RTN4IP1: variants seen among roughly 807,000 people sequenced by gnomAD.
RTN4IP1 encodes the protein NAD(P)H oxidoreductase RTN4IP1, mitochondrial.
A neutral mutation model predicts 46.6 loss-of-function variants in RTN4IP1; 32 were observed. That is an observed-to-expected ratio of 0.69 (90% CI 0.52 to 0.92). RTN4IP1 has a LOEUF of 0.92. Ranked by LOEUF, RTN4IP1 falls within the 40% of genes least tolerant of loss-of-function variation. The probability of loss-of-function intolerance (pLI) is 0.00; values close to 1 mark genes in which losing one functional copy is unlikely to be tolerated. For missense variants in RTN4IP1, 424 were observed against 485.8 expected, an observed-to-expected ratio of 0.87 and a Z score of 1.20; for synonymous variants, 167 against 161.8, an observed-to-expected ratio of 1.03 and a Z score of -0.24.
In RTN4IP1 at chr6:106,583,483, T is replaced by C. The variant is rs965056264; in HGVS notation, c.991-63A>G. On this transcript the variant is annotated intron_variant, in intron 7 of 8. Transcript: ENST00000369063. Reference sequence around the variant, plus strand: ...AACATAAAATCTGACTAAATGCAGATTTAGGGAAAAGCATTTTCTGGATGA... The same window carrying C: ...AACATAAAATCTGACTAAATGCAGACTTAGGGAAAAGCATTTTCTGGATGA... 7.3e-6 allele frequency: 10 copies of C among 1,376,422 alleles called. No individual in the cohort carries two copies. The African/African-American group carries it at 8.6e-5, about 12-fold the overall frequency. The allele number at this position is 1,376,422 out of a possible 1,614,324, so 85.3% of individuals were successfully genotyped here.
At chr6:106,608,121 T>C (rs755342150) in intron 4 of RTN4IP1, among the ~76,000 whole-genome samples, 2 of 152,348 alleles carry the variant, frequency 1.3e-5, no homozygotes, top group South Asian at 2.1e-4. Flanking sequence ...AAATGTGGTA[T>C]GTATACACAA....
At chr6:106,586,856 G>C (rs1775499281) in intron 7 of RTN4IP1, among the ~76,000 whole-genome samples, 1 of 152,142 alleles carries the variant, frequency 6.6e-6, no homozygotes, top group African/African-American at 2.4e-5. Context: ...TCTTGTAACT[G>C]AGGCTCATCT....
chr6:106,572,974 C>T (rs1775116366), intron 8 of RTN4IP1, among the ~76,000 whole-genome samples: 1 of 152,174 alleles, frequency 6.6e-6, no homozygotes, highest in Admixed American at 6.5e-5. Flanking sequence ...GAAAAACGCA[C>T]CTCATGTGAG....
At chr6:106,630,357 T>G (rs1776796675), upstream of RTN4IP1, among the ~76,000 whole-genome samples, 1 of 151,928 alleles carries the variant, frequency 6.6e-6, no homozygotes, top group South Asian at 2.1e-4. Flanking sequence ...AAAGCTCTGG[T>G]ATTTCTGAAT....
At chr6:106,606,305 G>A (rs1326909194) in intron 4 of RTN4IP1, among the ~76,000 whole-genome samples, 1 of 152,002 alleles carries the variant, frequency 6.6e-6, no homozygotes, top group East Asian at 1.9e-4. Context: ...TGTAGTCCTA[G>A]CTATTTGGGA....
At chr6:106,629,666 G>A (rs750036064), upstream of RTN4IP1, 1 of 1,603,142 alleles carries the variant, frequency 6.2e-7, no homozygotes. Flanking sequence ...GTGGTGGCAG[G>A]CTGGGCACGA....
chr6:106,614,570 G>A (rs1776303098), intron 4 of RTN4IP1, among the ~76,000 whole-genome samples: 1 of 152,122 alleles, frequency 6.6e-6, no homozygotes, highest in Admixed American at 6.5e-5. Context: ...TTAAAGGGCT[G>A]GAGGAAGAAG....
intron 8 of RTN4IP1, among the ~76,000 whole-genome samples, chr6:106,581,144 G>C (rs558185466): frequency 3.3e-5 from 5 of 152,290 alleles, no homozygotes; most frequent in South Asian, 4.1e-4. Context: ...CAGAATCTCA[G>C]TGACTGAGAT....
At chr6:106,588,705 C>A (rs912076641) in intron 6 of RTN4IP1, among the ~76,000 whole-genome samples, 2 of 152,170 alleles carry the variant, frequency 1.3e-5, no homozygotes, top group Non-Finnish European at 2.9e-5. Context: ...TTGATGAATT[C>A]CTTTTTGGTA....
intron 8 of RTN4IP1, among the ~76,000 whole-genome samples, chr6:106,577,454 A>AAG (rs1370975035): frequency 6.7e-6 from 1 of 149,416 alleles, no homozygotes; most frequent in African/African-American, 2.5e-5. Flanking sequence ...TCTCAAAAAA[A>AAG]AAAAAAAAAA....
intron 6 of RTN4IP1, among the ~76,000 whole-genome samples, chr6:106,589,263 A>G (rs1205900749): frequency 2.3e-4 from 3 of 12,902 alleles, no homozygotes; most frequent in Non-Finnish European, 4.9e-4. Flanking sequence ...GGAGGAGGAG[A>G]AGGAGAAGAA....
intron 5 of RTN4IP1, among the ~76,000 whole-genome samples, chr6:106,593,972 A>G (rs1404878682): frequency 6.6e-6 from 1 of 152,220 alleles, no homozygotes; most frequent in Non-Finnish European, 1.5e-5. Context: ...AGGAAAAAGA[A>G]AAGTATGTTC....
At chr6:106,619,601 T>C (rs1776433150) in intron 3 of RTN4IP1, among the ~76,000 whole-genome samples, 1 of 148,498 alleles carries the variant, frequency 6.7e-6, no homozygotes, top group African/African-American at 2.5e-5. Context: ...AGTATACTTT[T>C]CTTCATTTTT....
intron 4 of RTN4IP1, among the ~76,000 whole-genome samples, chr6:106,604,246 C>T (rs774894345): frequency 4.6e-5 from 7 of 152,142 alleles, no homozygotes; most frequent in Non-Finnish European, 7.4e-5. Flanking sequence ...ACAGTTACTA[C>T]TAAAATTTTT....
At chr6:106,600,729 T>C (rs1394557312) in intron 5 of RTN4IP1, among the ~76,000 whole-genome samples, 2 of 152,100 alleles carry the variant, frequency 1.3e-5, no homozygotes, top group Admixed American at 6.6e-5. Context: ...TGAAGATTCA[T>C]CCATGCTGTA....
rs532507879 is a variant in RTN4IP1, at chr6:106,598,050, A to G, written c.669+4824T>C. ...TCATCATTTTTTATGGCTGCATAGT[A>G]TTCCATGGTGTATATGTGCCAAATT... is the stretch of plus-strand genomic sequence containing the variant. On this transcript the variant is annotated intron_variant, in intron 5 of 8. Coordinates refer to ENST00000369063, the MANE Select transcript of RTN4IP1 (RefSeq NM_032730.5). Among the ~76,000 whole-genome samples the G allele has an allele frequency of 1.7e-3, 261 of 152,310 alleles. 2 individuals carry two copies. The highest frequency in any genetic ancestry group is 6.0e-3 in the African/African-American group (250 of 41,540).
chr6:106,590,092 C>T (rs112159566), intron 6 of RTN4IP1, among the ~76,000 whole-genome samples: 3 of 151,572 alleles, frequency 2.0e-5, no homozygotes, highest in South Asian at 4.2e-4. Context: ...CCAAGGAAGG[C>T]GGATCACCTG....
chr6:106,610,182 C>T (rs1490995017), intron 4 of RTN4IP1, among the ~76,000 whole-genome samples: 2 of 152,130 alleles, frequency 1.3e-5, no homozygotes, highest in African/African-American at 4.8e-5. Context: ...CTGACTCAGC[C>T]TCCTGAGTAG....
chr6:106,624,946 A>AAAAAAAAAAAAG (rs1554199277), intron 1 of RTN4IP1, among the ~76,000 whole-genome samples: 2 of 133,150 alleles, frequency 1.5e-5, no homozygotes, highest in East Asian at 2.2e-4. Context: ...AAAAAAAAAA[A>AAAAAAAAAAAAG]AAAAAGAAAA....
Sources: gnomAD v4.1 joint callset for allele counts (sites outside exome capture counted in the v4.1 genomes callset) on GRCh38, gnomAD v4.1.1 for gene constraint, MANE v1.5 for transcripts, NCBI Gene and HGNC (gene_info 2026-07-23, HGNC 2026-07-21) for gene names.